KYNU: variants seen among roughly 807,000 people sequenced by gnomAD.
KYNU encodes the protein L-kynurenine hydrolase.
Under a neutral mutation model 59.2 loss-of-function variants are expected in KYNU, and 54 were observed. The observed-to-expected ratio is 0.91, with a 90% confidence interval of 0.73 to 1.14. KYNU has a LOEUF of 1.14. Ranked by LOEUF, KYNU falls within the 50% of genes most tolerant of loss-of-function variation. The pLI is 0.00. For missense variants in KYNU, 567 were observed against 554.4 expected, an observed-to-expected ratio of 1.02 and a Z score of -0.23; for synonymous variants, 177 against 192.0, an observed-to-expected ratio of 0.92 and a Z score of 0.65.
intron 13 of KYNU, among the ~76,000 whole-genome samples, chr2:143,041,317 T>C (rs1420969373): frequency 6.6e-6 from 1 of 152,042 alleles, no homozygotes; most frequent in Non-Finnish European, 1.5e-5. Flanking sequence ...GAGAGGTTAC[T>C]CCCAGATGCT....
intron 2 of KYNU, among the ~76,000 whole-genome samples, chr2:142,915,760 G>A (rs1381491397): frequency 6.6e-6 from 1 of 152,192 alleles, no homozygotes; most frequent in African/African-American, 2.4e-5. Flanking sequence ...AAAATCTTGA[G>A]CTCGTAAACA....
At chr2:142,897,927 G>T (rs1195282887) in intron 2 of KYNU, among the ~76,000 whole-genome samples, 2 of 151,814 alleles carry the variant, frequency 1.3e-5, no homozygotes, top group Non-Finnish European at 2.9e-5. Context: ...TTTGAGACAG[G>T]ATGTCCCTTT....
At chr2:142,947,081 C>T in intron 4 of KYNU, 1 of 1,550,948 alleles carries the variant, frequency 6.4e-7, no homozygotes, top group East Asian at 2.4e-5. Flanking sequence ...TAATGTCAAA[C>T]AATATGTCCT....
Position 143,050,905 on chromosome 2 carries a change from C to G in KYNU, c.*8733C>G, listed in dbSNP as rs1687254607. 1 of 152,080 alleles carries G rather than the reference C, an allele frequency of 6.6e-6. No homozygotes were observed. Among genetic ancestry groups the G allele is most frequent in the Admixed American group, 6.5e-5 (1 of 15,270 alleles). 9.4% of individuals were successfully genotyped at this position (152,080 alleles called of 1,614,324 possible). ...AAACCTTCAAACAGCCTGGAAATAT[C>G]ACATCAATAAAGCACAACCTGGGAA... is the stretch of plus-strand genomic sequence containing the variant. On this transcript the variant is annotated 3_prime_UTR_variant, in exon 14 of 14. Coordinates refer to ENST00000264170, the MANE Select transcript of KYNU (RefSeq NM_003937.3).
At chr2:142,998,065 G>A (rs1685596703) in intron 10 of KYNU, among the ~76,000 whole-genome samples, 1 of 152,130 alleles carries the variant, frequency 6.6e-6, no homozygotes, top group Non-Finnish European at 1.5e-5. Flanking sequence ...ATATTAATAT[G>A]TCTGCTTTTA....
At chr2:142,963,683 C>T (rs1319537141) in intron 8 of KYNU, among the ~76,000 whole-genome samples, 2 of 152,126 alleles carry the variant, frequency 1.3e-5, no homozygotes, top group Non-Finnish European at 2.9e-5. Flanking sequence ...ACATTTAGAC[C>T]GTAGCATCCC....
chr2:143,005,092 A>G (rs538908780), intron 10 of KYNU, among the ~76,000 whole-genome samples: 2 of 152,300 alleles, frequency 1.3e-5, no homozygotes, highest in South Asian at 2.1e-4. Flanking sequence ...TGTTTTCCCC[A>G]TGTTGGATGG....
In KYNU at chr2:142,985,987, A is replaced by C. The variant is rs758250680; in HGVS notation, c.868A>C (p.Ile290Leu). The C allele has an allele frequency of 6.2e-7, 1 of 1,610,942 alleles. No individual in the cohort carries two copies. Among genetic ancestry groups the C allele is most frequent in the Admixed American group, 1.7e-5 (1 of 59,770 alleles). ...AGCAGGAGGAATTGCTGGTGCCTTCATTCATGAAAAGCATGCCCATACGAT... is the reference window on the plus strand; with the variant it reads ...AGCAGGAGGAATTGCTGGTGCCTTCCTTCATGAAAAGCATGCCCATACGAT... ...AGAGGIAGAF[I>L]HEKHAHTIKP... The change falls in exon 10 of 14, where the codon ATT becomes CTT. Residue 290 changes from isoleucine to leucine, a missense_variant. Coordinates refer to ENST00000264170, the MANE Select transcript of KYNU (RefSeq NM_003937.3).
intron 10 of KYNU, chr2:142,989,668 T>C (rs904999399): frequency 4.6e-6 from 1 of 219,656 alleles, no homozygotes; most frequent in Admixed American, 6.5e-5. Context: ...GTTTAAGCCT[T>C]CAATAAAGAG....
intron 6 of KYNU, among the ~76,000 whole-genome samples, chr2:142,957,074 G>C (rs563159280): frequency 1.7e-4 from 26 of 151,782 alleles, no homozygotes; most frequent in Non-Finnish European, 3.4e-4. Flanking sequence ...CTATATTATT[G>C]CTGTCTTTTA....
At chr2:142,907,213 G>A (rs1682328723) in intron 2 of KYNU, among the ~76,000 whole-genome samples, 1 of 152,210 alleles carries the variant, frequency 6.6e-6, no homozygotes, top group South Asian at 2.1e-4. Flanking sequence ...ATGGCAGCAA[G>A]CCTTTTGTTC....
intron 1 of KYNU, among the ~76,000 whole-genome samples, chr2:142,880,289 C>T (rs1263076637): frequency 1.3e-5 from 2 of 152,162 alleles, no homozygotes; most frequent in Non-Finnish European, 2.9e-5. Flanking sequence ...AGAAAAACAT[C>T]TCATGGAATT....
At chr2:142,949,459 A>G (rs1264426792) in intron 4 of KYNU, among the ~76,000 whole-genome samples, 5 of 152,210 alleles carry the variant, frequency 3.3e-5, no homozygotes, top group Non-Finnish European at 5.9e-5. Flanking sequence ...CATCTTCTGA[A>G]ATCTAGGCAG....
chr2:142,964,050 T>C (rs1369354438), intron 8 of KYNU, among the ~76,000 whole-genome samples: 2 of 152,046 alleles, frequency 1.3e-5, no homozygotes, highest in Admixed American at 6.6e-5. Context: ...TTTTTTTTTG[T>C]GTTTGGCTTA....
chr2:142,918,862 T>A, intron 3 of KYNU, 133 bp downstream of exon 3: 1 of 1,011,080 alleles, frequency 9.9e-7, no homozygotes, highest in Non-Finnish European at 1.5e-6. Context: ...TGTGGAGGAT[T>A]AGTTCCAGGG....
At chr2:142,933,180 A>G (rs1683284509) in intron 4 of KYNU, among the ~76,000 whole-genome samples, 1 of 152,224 alleles carries the variant, frequency 6.6e-6, no homozygotes, top group Non-Finnish European at 1.5e-5. Flanking sequence ...CAGGCAGGCC[A>G]TCCAAGAACT....
At chr2:142,911,985 T>C (rs904976110) in intron 2 of KYNU, among the ~76,000 whole-genome samples, 5 of 150,552 alleles carry the variant, frequency 3.3e-5, no homozygotes, top group African/African-American at 5.0e-5. Flanking sequence ...AATGGGGATA[T>C]TGACCCGTAA....
At chr2:142,938,228 A>C (rs1186676603) in intron 4 of KYNU, among the ~76,000 whole-genome samples, 1 of 152,238 alleles carries the variant, frequency 6.6e-6, no homozygotes, top group East Asian at 1.9e-4. Flanking sequence ...GTCCTAGTGC[A>C]TGAGCTCACT....
rs1215566940 is a variant in KYNU at position 143,055,721 on chromosome 2, GA to G, written c.*13556del. 2.4e-4 allele frequency: 37 copies of G among 151,766 alleles called. No individual in the cohort carries two copies. The highest frequency in any genetic ancestry group is 8.7e-4 in the African/African-American group (36 of 41,396). 9.4% of individuals were successfully genotyped at this position (151,766 alleles called of 1,614,324 possible). A position where few individuals can be genotyped will look rare whatever the true frequency, so the allele number is the denominator to read the frequency against. ...GGAGAGGAGAGGTAGGAGGGAAGAA[GA>G]AAAAAATAGTATGAAAAAATCTTGA... On this transcript the variant is annotated 3_prime_UTR_variant, in exon 14 of 14. Coordinates refer to ENST00000264170, the MANE Select transcript of KYNU (RefSeq NM_003937.3).
Sources: gnomAD v4.1 joint callset for allele counts (sites outside exome capture counted in the v4.1 genomes callset) on GRCh38, gnomAD v4.1.1 for gene constraint, MANE v1.5 for transcripts, NCBI Gene and HGNC (gene_info 2026-07-23, HGNC 2026-07-21) for gene names.